The following ASTN2 variants were observed in gnomAD, a reference collection of about 807,000 sequenced individuals.
ASTN2 encodes the protein astrotactin-2.
Under a neutral mutation model 139.8 loss-of-function variants are expected in ASTN2, and 54 were observed. That is an observed-to-expected ratio of 0.39 (90% CI 0.31 to 0.48). The LOEUF (loss-of-function observed/expected upper bound fraction) is 0.48, where lower values mean the gene tolerates loss of function less well. Ranked by LOEUF, ASTN2 falls within the 20% of genes least tolerant of loss-of-function variation. The pLI is 0.95. For missense variants in ASTN2, 1,565 were observed against 1,725.1 expected (o/e 0.91, Z 1.64); for synonymous variants, 756 against 719.5 (o/e 1.05, Z -0.81).
At chr9:117,011,899 C>T (rs939716975) in intron 6 of ASTN2, among the ~76,000 whole-genome samples, 5 of 152,126 alleles carry the variant, frequency 3.3e-5, no homozygotes, top group African/African-American at 4.8e-5. Context: ...TGGTCAGTTG[C>T]TTTTTATGGT....
chr9:117,323,455 T>C (rs1828404157), intron 1 of ASTN2, among the ~76,000 whole-genome samples: 1 of 152,176 alleles, frequency 6.6e-6, no homozygotes. Context: ...TCAGGGAACA[T>C]GGATCTTAGC....
intron 6 of ASTN2, among the ~76,000 whole-genome samples, chr9:117,010,554 G>A (rs1255942845): frequency 6.6e-6 from 1 of 151,926 alleles, no homozygotes; most frequent in Non-Finnish European, 1.5e-5. Context: ...GCAAACTTGG[G>A]CAAAAAAACA....
chr9:116,753,584 A>G (rs1266351269), intron 13 of ASTN2, among the ~76,000 whole-genome samples: 1 of 152,220 alleles, frequency 6.6e-6, no homozygotes, highest in African/African-American at 2.4e-5. Context: ...GAATAATAAG[A>G]GGAGAAACTG....
At position 117,297,721 on chromosome 9, in the gene ASTN2, T is replaced by A. The variant is rs565087941; in HGVS notation, c.443-6208A>T. On this transcript the variant is annotated intron_variant, in intron 1 of 22. Coordinates refer to ENST00000313400, the MANE Select transcript of ASTN2 (RefSeq NM_001365068.1). ...GGATTATCAAACCCTAAAAATGCCA[T>A]AGCTGTAGGAAAGGGCTACCATATA... Among the ~76,000 whole-genome samples the A allele has an allele frequency of 1.8e-4, 27 of 152,310 alleles. 1 individual carries two copies. Among genetic ancestry groups the A allele is most frequent in the African/African-American group, 6.5e-4 (27 of 41,570 alleles).
chr9:116,924,556 A>C (rs1210819106), intron 10 of ASTN2, among the ~76,000 whole-genome samples: 1 of 152,054 alleles, frequency 6.6e-6, no homozygotes. Context: ...GTTATTCATG[A>C]ATTTTCCGGG....
At chr9:117,116,053 T>TATATATATATATATATATATA (rs55920877) in intron 4 of ASTN2, among the ~76,000 whole-genome samples, 19 of 150,400 alleles carry the variant, frequency 1.3e-4, no homozygotes, top group East Asian at 4.0e-4. Flanking sequence ...TATATATATA[T>TATATATATATATATATATATA]TGCTCCCATC....
At chr9:117,284,546 C>T (rs1834400647) in intron 2 of ASTN2, among the ~76,000 whole-genome samples, 1 of 152,204 alleles carries the variant, frequency 6.6e-6, no homozygotes, top group African/African-American at 2.4e-5. Context: ...CAGATCTTTC[C>T]CTGGTGCCTT....
intron 1 of ASTN2, among the ~76,000 whole-genome samples, chr9:117,296,111 C>T (rs192242779): frequency 6.6e-6 from 1 of 151,708 alleles, no homozygotes; most frequent in East Asian, 1.9e-4. Flanking sequence ...AATCCCGCCT[C>T]TACTAAAAAT....
At chr9:116,631,179 A>G (rs1222097906) in intron 17 of ASTN2, among the ~76,000 whole-genome samples, 2 of 152,214 alleles carry the variant, frequency 1.3e-5, no homozygotes, top group African/African-American at 4.8e-5. Context: ...TAAAACTACC[A>G]TATAATCCAA....
At chr9:116,963,650 T>C (rs1273329469) in intron 10 of ASTN2, among the ~76,000 whole-genome samples, 1 of 152,086 alleles carries the variant, frequency 6.6e-6, no homozygotes, top group African/African-American at 2.4e-5. Flanking sequence ...TGAGGATATT[T>C]TGAAGGTAGG....
chr9:117,149,572 G>C (rs1158255148), intron 3 of ASTN2, among the ~76,000 whole-genome samples: 1 of 151,970 alleles, frequency 6.6e-6, no homozygotes, highest in East Asian at 1.9e-4. Context: ...GGTGATAAGA[G>C]AAGACATCTT....
At chr9:116,870,568 A>C (rs916949307) in intron 10 of ASTN2, among the ~76,000 whole-genome samples, 1 of 152,082 alleles carries the variant, frequency 6.6e-6, no homozygotes, top group East Asian at 1.9e-4. Flanking sequence ...ACATCTCTCT[A>C]TCTCTGACAT....
chr9:116,451,821 C>T (rs1470925708), intron 20 of ASTN2, among the ~76,000 whole-genome samples: 3 of 93,714 alleles, frequency 3.2e-5, no homozygotes, highest in Non-Finnish European at 6.1e-5. Flanking sequence ...TATATAAATA[C>T]TATGCAAATG....
chr9:116,823,901 C>T (rs369497813), intron 11 of ASTN2, among the ~76,000 whole-genome samples: 1 of 152,112 alleles, frequency 6.6e-6, no homozygotes, highest in African/African-American at 2.4e-5. Flanking sequence ...TGAGATCTAG[C>T]CATCGTTTGA....
At chr9:116,546,784 T>G (rs1019551175) in intron 19 of ASTN2, 2 of 152,178 alleles carry the variant, frequency 1.3e-5, no homozygotes, top group African/African-American at 4.8e-5. Flanking sequence ...GGTAACAGAC[T>G]TTTTACTAAA....
intron 13 of ASTN2, among the ~76,000 whole-genome samples, chr9:116,758,941 T>C (rs1426061276): frequency 6.6e-6 from 1 of 152,226 alleles, no homozygotes; most frequent in Non-Finnish European, 1.5e-5. Context: ...TCACCCAGGC[T>C]GGAGCACAGT....
At chr9:117,382,142 G>T (rs1345654745) in intron 1 of ASTN2, among the ~76,000 whole-genome samples, 1 of 152,154 alleles carries the variant, frequency 6.6e-6, no homozygotes, top group East Asian at 1.9e-4. Flanking sequence ...ACTTGGGCTG[G>T]TCAACATGAC....
At chr9:116,967,834 A>T (rs960793661) in intron 10 of ASTN2, among the ~76,000 whole-genome samples, 4 of 152,122 alleles carry the variant, frequency 2.6e-5, no homozygotes, top group South Asian at 2.1e-4. Context: ...CTGCTGCCCC[A>T]ACCCTCCCTT....
At chr9:116,815,001 C>T (rs1283543385) in intron 12 of ASTN2, among the ~76,000 whole-genome samples, 2 of 152,070 alleles carry the variant, frequency 1.3e-5, no homozygotes, top group African/African-American at 2.4e-5. Context: ...TCTATGTTAA[C>T]GATTAGAAGT....
Sources: allele counts gnomAD v4.1 joint callset (sites outside exome capture counted in the v4.1 genomes callset), GRCh38; gene constraint gnomAD v4.1.1; transcripts MANE v1.5; gene names NCBI Gene and HGNC (gene_info 2026-07-23, HGNC 2026-07-21).